PDE4D: variants seen among roughly 807,000 people sequenced by gnomAD.
PDE4D encodes phosphodiesterase 4D.
In PDE4D, 24 loss-of-function variants were observed where a neutral mutation model predicts 87.4. The ratio of observed to expected loss-of-function variants is 0.27; its 90% confidence interval spans 0.20 to 0.39. The LOEUF (loss-of-function observed/expected upper bound fraction) is 0.39, where lower values mean the gene tolerates loss of function less well. Among genes scored for constraint, PDE4D ranks in the 10% least tolerant of loss-of-function variants. PDE4D has a pLI of 1.00. For missense variants in PDE4D, 714 were observed against 1,041.0 expected (o/e 0.69, Z 4.32); for synonymous variants, 384 against 383.2 (o/e 1.00, Z -0.02).
intron 1 of PDE4D, among the ~76,000 whole-genome samples, chr5:60,398,032 A>G (rs1763001830): frequency 1.3e-5 from 2 of 152,252 alleles, no homozygotes; most frequent in Non-Finnish European, 2.9e-5. Flanking sequence ...CAGAAGATAT[A>G]ATTAGGATAG....
intron 1 of PDE4D, among the ~76,000 whole-genome samples, chr5:60,392,904 T>C (rs1478368677): frequency 1.3e-5 from 2 of 152,216 alleles, no homozygotes; most frequent in Non-Finnish European, 2.9e-5. Context: ...CAGGGAAGAT[T>C]GTAAACTTCT....
chr5:59,638,467 A>T (rs1251221697), intron 1 of PDE4D, among the ~76,000 whole-genome samples: 3 of 152,024 alleles, frequency 2.0e-5, no homozygotes, highest in African/African-American at 7.3e-5. Flanking sequence ...TACCACCATT[A>T]AAAAAAGGGA....
At chr5:60,112,826 T>C (rs1029068287) in intron 2 of PDE4D, among the ~76,000 whole-genome samples, 15 of 152,188 alleles carry the variant, frequency 9.9e-5, no homozygotes, top group Middle Eastern at 3.4e-3. Flanking sequence ...GGCTCTGGGA[T>C]CTTTAATCCA....
chr5:59,617,404 C>A (rs977033691), intron 1 of PDE4D, among the ~76,000 whole-genome samples: 1 of 152,112 alleles, frequency 6.6e-6, no homozygotes, highest in Non-Finnish European at 1.5e-5. Context: ...CACGAATAAA[C>A]CCAAGTCCAA....
At chr5:60,056,513 T>C (rs919589901) in intron 2 of PDE4D, among the ~76,000 whole-genome samples, 1 of 152,034 alleles carries the variant, frequency 6.6e-6, no homozygotes, top group South Asian at 2.1e-4. Context: ...AGAGGGTTTA[T>C]TAGCATATAT....
intron 1 of PDE4D, among the ~76,000 whole-genome samples, chr5:60,221,253 A>G (rs1489844851): frequency 6.6e-6 from 1 of 152,140 alleles, no homozygotes; most frequent in Admixed American, 6.6e-5. Flanking sequence ...AATGCATGAA[A>G]AAAGACTGGG....
intron 1 of PDE4D, among the ~76,000 whole-genome samples, chr5:59,688,273 T>C (rs1028325980): frequency 6.6e-6 from 1 of 152,228 alleles, no homozygotes; most frequent in African/African-American, 2.4e-5. Flanking sequence ...TACATTCTTC[T>C]CAACATCACA....
At chr5:59,951,754 T>G (rs967712210) in intron 3 of PDE4D, among the ~76,000 whole-genome samples, 2 of 152,212 alleles carry the variant, frequency 1.3e-5, no homozygotes, top group African/African-American at 4.8e-5. Flanking sequence ...ATTCAGCAAC[T>G]TAATGTATTT....
chr5:60,006,019 T>A (rs370092507), intron 2 of PDE4D, among the ~76,000 whole-genome samples: 12 of 151,974 alleles, frequency 7.9e-5, no homozygotes, highest in African/African-American at 2.9e-4. Flanking sequence ...GGAAATTTTT[T>A]AGGAAAATTT....
intron 5 of PDE4D, among the ~76,000 whole-genome samples, chr5:59,161,336 C>A (rs773911621): frequency 6.6e-6 from 1 of 152,156 alleles, no homozygotes; most frequent in Non-Finnish European, 1.5e-5. Context: ...CTGGTTCTAT[C>A]TGGAAAGCTG....
At chr5:60,385,508 A>G (rs1762137647) in intron 1 of PDE4D, among the ~76,000 whole-genome samples, 1 of 152,218 alleles carries the variant, frequency 6.6e-6, no homozygotes, top group South Asian at 2.1e-4. Flanking sequence ...TTGTACAGTA[A>G]CAGTGACTGC....
intron 1 of PDE4D, among the ~76,000 whole-genome samples, chr5:59,681,629 G>T (rs552856320): frequency 1.3e-5 from 2 of 152,138 alleles, no homozygotes; most frequent in Non-Finnish European, 2.9e-5. Flanking sequence ...GGCCAGGTGC[G>T]GTGGCTAAGG....
intron 1 of PDE4D, among the ~76,000 whole-genome samples, chr5:59,384,530 C>T (rs1786577536): frequency 6.6e-6 from 1 of 152,108 alleles, no homozygotes; most frequent in African/African-American, 2.4e-5. Context: ...GTATGGGAAA[C>T]AACAATCACT....
At chr5:60,493,730 A>G (rs1257196656) in intron 1 of PDE4D, among the ~76,000 whole-genome samples, 1 of 152,162 alleles carries the variant, frequency 6.6e-6, no homozygotes, top group Non-Finnish European at 1.5e-5. Flanking sequence ...GCTCACACAC[A>G]GAGCCATGTT....
intron 11 of PDE4D, among the ~76,000 whole-genome samples, chr5:58,984,040 C>G (rs1393687615): frequency 6.6e-6 from 1 of 150,590 alleles, no homozygotes; most frequent in South Asian, 2.1e-4. Context: ...GTAAGACTTA[C>G]ACTCACTGTT....
At chr5:60,105,765 C>T (rs1321148631) in intron 2 of PDE4D, among the ~76,000 whole-genome samples, 1 of 152,108 alleles carries the variant, frequency 6.6e-6, no homozygotes, top group Non-Finnish European at 1.5e-5. Context: ...CCAAACTAAG[C>T]TTCATAAGTG....
At chr5:59,308,102 A>G (rs1771782187) in intron 1 of PDE4D, among the ~76,000 whole-genome samples, 2 of 151,818 alleles carry the variant, frequency 1.3e-5, no homozygotes, top group African/African-American at 2.4e-5. Flanking sequence ...TCAGTAAACT[A>G]TCGCAAGAAC....
chr5:59,496,911 CAG>C (rs1483029199), intron 1 of PDE4D, among the ~76,000 whole-genome samples: 4 of 152,180 alleles, frequency 2.6e-5, no homozygotes, highest in Non-Finnish European at 5.9e-5. Flanking sequence ...GGGCACTTTG[CAG>C]ACTTTTCCAT....
chr5:59,875,067 T>C (rs1298693488), intron 1 of PDE4D, among the ~76,000 whole-genome samples: 1 of 152,168 alleles, frequency 6.6e-6, no homozygotes, highest in African/African-American at 2.4e-5. Flanking sequence ...ACTTATAATA[T>C]CTACAGATTC....
Sources: gnomAD v4.1 joint callset for allele counts (sites outside exome capture counted in the v4.1 genomes callset) on GRCh38, gnomAD v4.1.1 for gene constraint, MANE v1.5 for transcripts, NCBI Gene and HGNC (gene_info 2026-07-23, HGNC 2026-07-21) for gene names.